The following IGBP1C variants were observed in gnomAD, a reference collection of about 807,000 sequenced individuals.
The protein encoded by IGBP1C is IGBP1 family member C, also known as immunoglobulin-binding protein 1 family member C.
chr17:58,669,715 C>G, the IGBP1C span, among the ~76,000 whole-genome samples: 1 of 113,244 alleles, frequency 8.8e-6, no homozygotes, highest in African/African-American at 3.5e-5. Context: ...GACTGGGCAA[C>G]AGAGAGAGAC....
At chr17:58,676,238 T>C in the IGBP1C span, among the ~76,000 whole-genome samples, 1 of 152,048 alleles carries the variant, frequency 6.6e-6, no homozygotes, top group African/African-American at 2.4e-5. Flanking sequence ...TAGCCAGGCG[T>C]GGTGGCAGGT....
chr17:58,688,187 A>G, the IGBP1C span, among the ~76,000 whole-genome samples: 1 of 152,082 alleles, frequency 6.6e-6, no homozygotes, highest in Non-Finnish European at 1.5e-5. Context: ...GTGTCATAAT[A>G]TCGGCTCACT....
the IGBP1C span, among the ~76,000 whole-genome samples, chr17:58,684,359 G>A: frequency 5.9e-5 from 9 of 151,890 alleles, no homozygotes; most frequent in African/African-American, 2.2e-4. Flanking sequence ...CTATCTGGGA[G>A]GCTGATACAG....
chr17:58,678,251 C>A, the IGBP1C span, among the ~76,000 whole-genome samples: 1 of 152,180 alleles, frequency 6.6e-6, no homozygotes, highest in Non-Finnish European at 1.5e-5. Flanking sequence ...GGGAAGGACA[C>A]TGGAAGACAG....
At chr17:58,683,175 C>G in the IGBP1C span, among the ~76,000 whole-genome samples, 1 of 150,984 alleles carries the variant, frequency 6.6e-6, no homozygotes, top group Non-Finnish European at 1.5e-5. Flanking sequence ...GAGTTCAAGA[C>G]CAGCCTGGGC....
chr17:58,676,840 T>C, the IGBP1C span, among the ~76,000 whole-genome samples: 1 of 151,716 alleles, frequency 6.6e-6, no homozygotes, highest in Non-Finnish European at 1.5e-5. Flanking sequence ...CTTTTAAAAT[T>C]AGCCAGCTGA....
chr17:58,679,588 G>C, the IGBP1C span: 1 of 152,220 alleles, frequency 6.6e-6, no homozygotes, highest in South Asian at 2.1e-4. Flanking sequence ...TCCCACATTT[G>C]TAGAAAACCA....
At chr17:58,686,945 C>T in the IGBP1C span, among the ~76,000 whole-genome samples, 1 of 143,340 alleles carries the variant, frequency 7.0e-6, no homozygotes, top group Non-Finnish European at 1.5e-5. Context: ...GGGATCTCAG[C>T]TCACAGCAAC....
At chr17:58,679,053 C>G in the IGBP1C span, among the ~76,000 whole-genome samples, 1 of 151,842 alleles carries the variant, frequency 6.6e-6, no homozygotes, top group African/African-American at 2.4e-5. Context: ...ACTCAAGAGG[C>G]TGAGGCAGGA....
the IGBP1C span, among the ~76,000 whole-genome samples, chr17:58,683,092 G>C: frequency 6.6e-6 from 1 of 150,836 alleles, no homozygotes; most frequent in Non-Finnish European, 1.5e-5. Context: ...ATGAGGAAAG[G>C]CTGAGCACGG....
At chr17:58,666,429 A>T in the IGBP1C span, 1 of 145,406 alleles carries the variant, frequency 6.9e-6, no homozygotes, top group Non-Finnish European at 1.5e-5. Flanking sequence ...TCCAGCCTAG[A>T]TAAACAAAGT....
At chr17:58,666,856 A>C in the IGBP1C span, among the ~76,000 whole-genome samples, 1 of 152,312 alleles carries the variant, frequency 6.6e-6, no homozygotes, top group East Asian at 1.9e-4. Context: ...GAGTTGTGCA[A>C]ATCCTTCCAA....
At chr17:58,661,603 G>A in the IGBP1C span, 3 of 713,052 alleles carry the variant, frequency 4.2e-6, no homozygotes, top group Admixed American at 4.4e-5. Context: ...CTGCCATCTT[G>A]GGAAGGCTGA....
the IGBP1C span, among the ~76,000 whole-genome samples, chr17:58,685,041 T>C: frequency 6.6e-6 from 1 of 152,166 alleles, no homozygotes; most frequent in African/African-American, 2.4e-5. Context: ...AAGATTCAAA[T>C]GTAGATCTAA....
chr17:58,664,242 G>A, the IGBP1C span, among the ~76,000 whole-genome samples: 129 of 152,192 alleles, frequency 8.5e-4, no homozygotes, highest in Admixed American at 1.9e-3. Context: ...TAATACTTTG[G>A]CTTTCAATGG....
the IGBP1C span, among the ~76,000 whole-genome samples, chr17:58,669,862 T>C: frequency 6.6e-6 from 1 of 152,022 alleles, no homozygotes; most frequent in South Asian, 2.1e-4. Context: ...TCTAATCTAA[T>C]GTTACTCCCT....
chr17:58,682,477 C>G, the IGBP1C span, among the ~76,000 whole-genome samples: 1 of 151,916 alleles, frequency 6.6e-6, no homozygotes, highest in Non-Finnish European at 1.5e-5. Flanking sequence ...AGGCTGGTCT[C>G]GAACTCCTGA....
chr17:58,665,604 C>CA, the IGBP1C span, among the ~76,000 whole-genome samples: 6 of 150,742 alleles, frequency 4.0e-5, no homozygotes, highest in East Asian at 2.0e-4. Context: ...TCATAAAAAA[C>CA]AAAAAACAAA....
At chr17:58,676,115 C>T in the IGBP1C span, among the ~76,000 whole-genome samples, 3 of 152,152 alleles carry the variant, frequency 2.0e-5, no homozygotes. Flanking sequence ...GTTGCTCACG[C>T]CTGTGATCCC....
Sources: gnomAD v4.1 joint callset for allele counts (sites outside exome capture counted in the v4.1 genomes callset) on GRCh38, gnomAD v4.1.1 for gene constraint, MANE v1.5 for transcripts, NCBI Gene and HGNC (gene_info 2026-07-23, HGNC 2026-07-21) for gene names.